Variants in TEK observed in about 807,000 individuals in gnomAD.
TEK encodes angiopoietin-1 receptor.
TEK carries 43 observed loss-of-function variants against 131.8 expected under a neutral mutation model. The observed-to-expected ratio is 0.33, with a 90% CI of 0.26 to 0.42. TEK has a LOEUF of 0.42. TEK is among the 10% of genes least tolerant of loss of function. The pLI is 1.00. For missense variants in TEK, 1,162 were observed against 1,384.4 expected, an observed-to-expected ratio of 0.84 and a Z score of 2.55; for synonymous variants, 580 against 491.6, an observed-to-expected ratio of 1.18 and a Z score of -2.38.
intron 4 of TEK, among the ~76,000 whole-genome samples, chr9:27,169,950 T>G (rs905288337): frequency 6.6e-6 from 1 of 152,192 alleles, no homozygotes; most frequent in African/African-American, 2.4e-5. Flanking sequence ...TGCTCTTTAT[T>G]GAGACATACC....
At chr9:27,140,472 AT>A (rs1822685576) in intron 1 of TEK, among the ~76,000 whole-genome samples, 1 of 151,854 alleles carries the variant, frequency 6.6e-6, no homozygotes, top group Non-Finnish European at 1.5e-5. Context: ...TGGTGAATAA[AT>A]GATATATGTC....
intron 13 of TEK, 49 bp from the exon 14 acceptor site, chr9:27,204,862 T>C (rs1564096338): frequency 5.0e-6 from 8 of 1,611,296 alleles, no homozygotes; most frequent in Non-Finnish European, 5.9e-6. Context: ...GTGGGTCTGT[T>C]TCTCTATGTA....
chr9:27,163,332 GA>G (rs1823613305), intron 2 of TEK, among the ~76,000 whole-genome samples: 1 of 152,140 alleles, frequency 6.6e-6, no homozygotes, highest in Non-Finnish European at 1.5e-5. Context: ...TCTAGTAGGG[GA>G]TATATACCAT....
At chr9:27,164,222 A>G (rs7036743) in intron 2 of TEK, among the ~76,000 whole-genome samples, 43,629 of 151,996 alleles carry the variant, frequency 0.29, 6,459 homozygotes, top group South Asian at 0.42. Context: ...GGATAATTGT[A>G]GTACCTATCT....
Position 27,213,523 on chromosome 9 carries a change from G to A in TEK, c.2917G>A (p.Gly973Ser). The change falls in exon 18 of 23, where the codon GGT becomes AGT. Residue 973 changes from glycine to serine, a missense_variant. Physicochemically the swap from Gly to Ser is moderately conservative, Grantham distance 56. Around this residue, in one of 6 missense-constraint regions of TEK, gnomAD observed 107 missense variants for 173.9 expected, o/e 0.62. Coordinates refer to ENST00000380036, the MANE Select transcript of TEK (RefSeq NM_000459.5). Reference protein sequence around the residue: ...RDLAARNILVGENYVAKIADF... With the variant: ...RDLAARNILVSENYVAKIADF... ...TCTGGCTGCCAGAAACATTTTAGTT[G>A]GTGAAAACTATGTGGCAAAAATAGC... is the stretch of plus-strand genomic sequence containing the variant. 6.2e-7 allele frequency: 1 copy of A among 1,614,032 alleles called. No individual in the cohort carries two copies. The highest frequency in any genetic ancestry group is 8.5e-7 in the Non-Finnish European group (1 of 1,179,944).
chr9:27,204,001 A>T (rs1825313634), intron 13 of TEK, among the ~76,000 whole-genome samples: 1 of 152,244 alleles, frequency 6.6e-6, no homozygotes, highest in Non-Finnish European at 1.5e-5. Context: ...TCTGCCAAAT[A>T]TAGAAAATCA....
chr9:27,162,206 A>G (rs1430376690), intron 2 of TEK, among the ~76,000 whole-genome samples: 1 of 152,210 alleles, frequency 6.6e-6, no homozygotes, highest in Non-Finnish European at 1.5e-5. Flanking sequence ...TTAAAACATC[A>G]TGGAAACTCA....
chr9:27,152,462 T>C (rs1587523415), intron 1 of TEK, among the ~76,000 whole-genome samples: 1 of 151,576 alleles, frequency 6.6e-6, no homozygotes, highest in South Asian at 2.1e-4. Flanking sequence ...TGCAGTGGAG[T>C]GTATTTTCAT....
intron 21 of TEK, among the ~76,000 whole-genome samples, chr9:27,222,560 C>G (rs117330556): frequency 0.011 from 1,626 of 152,278 alleles, 11 homozygotes; most frequent in Non-Finnish European, 0.017. Context: ...GGCCAGTATT[C>G]AACATTCTTA....
intron 20 of TEK, 69 bp downstream of exon 20, chr9:27,218,886 T>A: frequency 6.9e-7 from 1 of 1,441,870 alleles, no homozygotes. Context: ...AGCACTCCCT[T>A]GCTGCATAAT....
intron 10 of TEK, 137 bp from the exon 11 acceptor site, chr9:27,192,352 G>C (rs1824851950): frequency 1.1e-6 from 1 of 946,716 alleles, no homozygotes; most frequent in Non-Finnish European, 1.7e-6. Flanking sequence ...AGGCCTTGAA[G>C]ATGGAATTGC....
At chr9:27,213,650 C>A in intron 18 of TEK, 53 bp downstream of exon 18, 1 of 1,360,576 alleles carries the variant, frequency 7.3e-7, no homozygotes, top group Non-Finnish European at 1.1e-6. Flanking sequence ...ACTCCCCTGT[C>A]TCCTGATGTT....
At chr9:27,204,061 G>C (rs953388967) in intron 13 of TEK, among the ~76,000 whole-genome samples, 1 of 152,132 alleles carries the variant, frequency 6.6e-6, no homozygotes, top group African/African-American at 2.4e-5. Context: ...GTAATTACTT[G>C]TGTTTTGGCG....
chr9:27,211,404 A>T (rs1032405458), intron 16 of TEK, among the ~76,000 whole-genome samples: 1 of 138,136 alleles, frequency 7.2e-6, no homozygotes, highest in East Asian at 2.1e-4. Flanking sequence ...TTTTGCTAGA[A>T]TTTCAATTTC....
At chr9:27,227,028 C>T (rs1397420182) in intron 21 of TEK, among the ~76,000 whole-genome samples, 1 of 152,166 alleles carries the variant, frequency 6.6e-6, no homozygotes, top group African/African-American at 2.4e-5. Flanking sequence ...TAGACAGTCC[C>T]TAAAATTCCA....
chr9:27,217,612 G>A (rs1825866067), intron 18 of TEK, 76 bp from the exon 19 acceptor site: 1 of 1,312,248 alleles, frequency 7.6e-7, no homozygotes, highest in South Asian at 1.2e-5. Flanking sequence ...CATTTGTGGA[G>A]CCACAGCTCA....
chr9:27,221,649 C>T (rs1826086814), intron 21 of TEK, among the ~76,000 whole-genome samples: 2 of 152,134 alleles, frequency 1.3e-5, no homozygotes, highest in African/African-American at 4.8e-5. Flanking sequence ...CCAGCCAACT[C>T]CAGCAGACCT....
intron 16 of TEK, among the ~76,000 whole-genome samples, chr9:27,210,884 C>A (rs867081599): frequency 6.6e-6 from 1 of 151,996 alleles, no homozygotes; most frequent in African/African-American, 2.4e-5. Flanking sequence ...TTTGGGAGGC[C>A]GAGGCAGGCA....
rs1034631489 is a variant in TEK, at chr9:27,229,379, C to T, written c.*147C>T. 1.3e-6 allele frequency: 1 copy of T among 764,278 alleles called. No individual in the cohort carries two copies. Among genetic ancestry groups the T allele is most frequent in the African/African-American group, 1.7e-5 (1 of 58,412 alleles). The allele number at this position is 764,278 out of a possible 1,614,324, so 47.3% of individuals were successfully genotyped here. A position where few individuals can be genotyped will look rare whatever the true frequency, so the allele number is the denominator to read the frequency against. On this transcript the variant is annotated 3_prime_UTR_variant, in exon 23 of 23. Coordinates refer to ENST00000380036, the MANE Select transcript of TEK (RefSeq NM_000459.5). The stretch of plus-strand genomic sequence containing the variant: ...CTGGGACCTTCACCACTGTAGATCC[C>T]ATGCATGGATCTATGTAGTATGCTC...
Sources: gnomAD v4.1 joint callset for allele counts (sites outside exome capture counted in the v4.1 genomes callset) on GRCh38, gnomAD v4.1.1 for gene constraint, gnomAD v4.1.1 regional missense constraint, MANE v1.5 for transcripts, NCBI Gene and HGNC (gene_info 2026-07-23, HGNC 2026-07-21) for gene names.